Variants in PDE11A observed in about 807,000 individuals in gnomAD.
PDE11A encodes the protein dual 3',5'-cyclic-AMP and -GMP phosphodiesterase 11A.
In PDE11A, 100 loss-of-function variants were observed where a neutral mutation model predicts 100.5. The observed-to-expected ratio is 1.00, with a 90% CI of 0.85 to 1.18. The LOEUF (loss-of-function observed/expected upper bound fraction) is 1.18, where lower values mean the gene tolerates loss of function less well. Ranked by LOEUF, PDE11A falls within the 50% of genes most tolerant of loss-of-function variation. The pLI is 0.00. For synonymous variants in PDE11A, 381 were observed against 420.8 expected, an observed-to-expected ratio of 0.91 and a Z score of 1.16; for missense variants, 1,141 against 1,152.6, an observed-to-expected ratio of 0.99 and a Z score of 0.15.
chr2:177,945,399 A>C (rs1444197034), intron 2 of PDE11A, among the ~76,000 whole-genome samples: 4 of 122,192 alleles, frequency 3.3e-5, no homozygotes, highest in Admixed American at 8.2e-5. Flanking sequence ...AGCCGCCATC[A>C]CATCTAGGAA....
intron 6 of PDE11A, among the ~76,000 whole-genome samples, chr2:177,838,222 G>C (rs2083435839): frequency 6.6e-6 from 1 of 152,012 alleles, no homozygotes; most frequent in Non-Finnish European, 1.5e-5. Flanking sequence ...TGTTTGTTAG[G>C]CCCTAGAAAA....
chr2:177,893,948 G>T (rs2084570713), intron 4 of PDE11A, among the ~76,000 whole-genome samples: 1 of 152,114 alleles, frequency 6.6e-6, no homozygotes, highest in Admixed American at 6.5e-5. Flanking sequence ...TAATACAGTA[G>T]ATTAGAAGGG....
intron 10 of PDE11A, among the ~76,000 whole-genome samples, chr2:177,767,982 C>T: frequency 6.6e-6 from 1 of 152,120 alleles, no homozygotes; most frequent in South Asian, 2.1e-4. Context: ...CCTCTGCTGT[C>T]AGCTGTCACC....
chr2:177,732,916 T>C (rs568330734), intron 10 of PDE11A, among the ~76,000 whole-genome samples: 1 of 152,226 alleles, frequency 6.6e-6, no homozygotes, highest in East Asian at 1.9e-4. Context: ...TCTGGGTAGT[T>C]TTCATCCCCA....
chr2:178,055,741 G>A (rs983510140), intron 1 of PDE11A, among the ~76,000 whole-genome samples: 1 of 152,070 alleles, frequency 6.6e-6, no homozygotes, highest in African/African-American at 2.4e-5. Flanking sequence ...CCTACAGGAA[G>A]AGATAGAAAG....
intron 2 of PDE11A, among the ~76,000 whole-genome samples, chr2:178,100,735 T>C (rs1393745873): frequency 1.3e-5 from 2 of 152,172 alleles, no homozygotes; most frequent in African/African-American, 2.4e-5. Context: ...CCAAGCCTTA[T>C]ACAGCTTTCA....
At chr2:178,073,114 G>C, upstream of PDE11A, 9 of 973,228 alleles carry the variant, frequency 9.2e-6, no homozygotes, top group Non-Finnish European at 9.8e-6. Flanking sequence ...GGGAGTCCGA[G>C]ATACAAGTGT....
At chr2:177,824,436 G>A (rs1261593688) in intron 6 of PDE11A, among the ~76,000 whole-genome samples, 1 of 152,232 alleles carries the variant, frequency 6.6e-6, no homozygotes, top group Non-Finnish European at 1.5e-5. Context: ...TGACATCAGT[G>A]ACAGGGATGG....
intron 19 of PDE11A, among the ~76,000 whole-genome samples, chr2:177,652,226 T>C (rs551624691): frequency 6.6e-6 from 1 of 152,238 alleles, no homozygotes; most frequent in South Asian, 2.1e-4. Flanking sequence ...ATGTAAACAA[T>C]TAAGATGTTC....
At chr2:177,899,973 G>A (rs978601824) in intron 3 of PDE11A, among the ~76,000 whole-genome samples, 4 of 151,786 alleles carry the variant, frequency 2.6e-5, no homozygotes. Flanking sequence ...CTTGAAAACT[G>A]TGTACTTATT....
chr2:178,083,872 A>G (rs975332294), intron 2 of PDE11A, among the ~76,000 whole-genome samples: 14 of 152,238 alleles, frequency 9.2e-5, no homozygotes, highest in African/African-American at 2.7e-4. Context: ...TTTTATGAAA[A>G]GGATAATATA....
intron 10 of PDE11A, among the ~76,000 whole-genome samples, chr2:177,738,846 C>T (rs1276464506): frequency 6.6e-6 from 1 of 152,174 alleles, no homozygotes; most frequent in Non-Finnish European, 1.5e-5. Flanking sequence ...TGTTCACCAG[C>T]AGGAAATGAA....
At chr2:178,034,866 T>G (rs143439144) in intron 1 of PDE11A, among the ~76,000 whole-genome samples, 76,168 of 151,658 alleles carry the variant, frequency 0.5, 19,852 homozygotes, top group East Asian at 0.71. Flanking sequence ...CTGGGACACA[T>G]TTAAAGCAGT....
intron 19 of PDE11A, among the ~76,000 whole-genome samples, chr2:177,631,531 A>ACACATGTG (rs1553529127): frequency 7.1e-5 from 2 of 28,340 alleles, no homozygotes; most frequent in African/African-American, 2.5e-4. Context: ...ATATATATAT[A>ACACATGTG]TATATATATA....
At chr2:177,842,458 G>A (rs1425350813) in intron 5 of PDE11A, among the ~76,000 whole-genome samples, 1 of 152,224 alleles carries the variant, frequency 6.6e-6, no homozygotes, top group Admixed American at 6.5e-5. Flanking sequence ...TAATTGTATG[G>A]TGGGAATAAA....
intron 10 of PDE11A, among the ~76,000 whole-genome samples, chr2:177,747,540 G>T (rs1462102383): frequency 1.3e-5 from 2 of 152,220 alleles, no homozygotes; most frequent in East Asian, 3.8e-4. Flanking sequence ...GGAAGGTAAA[G>T]AAGTCAATTC....
At chr2:178,106,829 G>T (rs930549586) in intron 1 of PDE11A, among the ~76,000 whole-genome samples, 14 of 151,742 alleles carry the variant, frequency 9.2e-5, no homozygotes, top group African/African-American at 3.1e-4. Flanking sequence ...GTGTGGTGGT[G>T]CATGCCTGTA....
Position 177,877,014 on chromosome 2 carries a change from G to A in PDE11A, c.1303-1091C>T, listed in dbSNP as rs913379040. 1.8e-4 allele frequency among the ~76,000 whole-genome samples: 26 copies of A among 147,674 alleles called. 4 individuals carry two copies. Among genetic ancestry groups the A allele is most frequent in the African/African-American group, 6.7e-4 (26 of 38,584 alleles). ...ATAGCATCCTCTTTATAGGGGAGAC[G>A]GACGGGGGATGTAGGCAATTTTGAG... On this transcript the variant is annotated intron_variant, in intron 4 of 19. Coordinates refer to ENST00000286063, the MANE Select transcript of PDE11A (RefSeq NM_016953.4).
intron 10 of PDE11A, among the ~76,000 whole-genome samples, chr2:177,749,749 C>T (rs1249237824): frequency 6.6e-6 from 1 of 151,978 alleles, no homozygotes; most frequent in Admixed American, 6.6e-5. Context: ...TTCATTATAC[C>T]TAACTTGAAT....
Sources: gnomAD v4.1 joint callset for allele counts (sites outside exome capture counted in the v4.1 genomes callset) on GRCh38, gnomAD v4.1.1 for gene constraint, MANE v1.5 for transcripts, NCBI Gene and HGNC (gene_info 2026-07-23, HGNC 2026-07-21) for gene names.